Variants in TTLL9 observed in about 807,000 individuals in gnomAD.
TTLL9 encodes the protein tubulin tyrosine ligase like 9.
A neutral mutation model predicts 65.6 loss-of-function variants in TTLL9; 47 were observed. That is an observed-to-expected ratio of 0.72 (90% CI 0.57 to 0.91). The LOEUF is 0.91. Ranked by LOEUF, TTLL9 falls within the 40% of genes least tolerant of loss-of-function variation. TTLL9 has a pLI of 0.00. For missense variants in TTLL9, 537 were observed against 568.8 expected (o/e 0.94, Z 0.57); for synonymous variants, 179 against 204.8 (o/e 0.87, Z 1.07).
intron 3 of TTLL9, among the ~76,000 whole-genome samples, chr20:31,890,206 T>TCTTTCTTTCTTTCTCTTC: frequency 6.8e-6 from 1 of 146,014 alleles, no homozygotes; most frequent in Non-Finnish European, 1.5e-5. Context: ...TCTTTCTCTT[T>TCTTTCTTTCTTTCTCTTC]CTTTCATCAA....
intron 6 of TTLL9, among the ~76,000 whole-genome samples, chr20:31,917,421 G>T (rs1173966118): frequency 6.6e-6 from 1 of 152,182 alleles, no homozygotes; most frequent in East Asian, 1.9e-4. Context: ...CTATTCCATT[G>T]ATTAAATATT....
At chr20:31,920,017 T>C in intron 7 of TTLL9, 85 bp downstream of exon 7, 1 of 1,258,468 alleles carries the variant, frequency 7.9e-7, no homozygotes, top group African/African-American at 1.6e-5. Context: ...CAATCAAAGC[T>C]CAGAGGGCTG....
intron 10 of TTLL9, among the ~76,000 whole-genome samples, chr20:31,931,694 T>G (rs558322134): frequency 1.3e-5 from 2 of 152,382 alleles, no homozygotes; most frequent in South Asian, 4.1e-4. Flanking sequence ...TGTGGCCACT[T>G]ATAAATCTCT....
intron 4 of TTLL9, among the ~76,000 whole-genome samples, chr20:31,901,055 G>A (rs2063470772): frequency 6.6e-6 from 1 of 152,158 alleles, no homozygotes; most frequent in African/African-American, 2.4e-5. Context: ...TAGGACCTAA[G>A]CTGGGTCTGG....
chr20:31,884,014 T>C, intron 2 of TTLL9: 1 of 506,270 alleles, frequency 2.0e-6, no homozygotes, highest in South Asian at 3.6e-5. Context: ...TCTGCCTTTA[T>C]TCACAGATGA....
chr20:31,898,334 C>T (rs1467966880), intron 3 of TTLL9, 139 bp from the exon 4 acceptor site: 1 of 641,694 alleles, frequency 1.6e-6, no homozygotes, highest in Admixed American at 2.7e-5. Context: ...TGTTATCATG[C>T]TCTAATGCTA....
intron 4 of TTLL9, among the ~76,000 whole-genome samples, chr20:31,904,141 A>G (rs962375968): frequency 4.6e-5 from 7 of 152,212 alleles, no homozygotes; most frequent in Non-Finnish European, 1.0e-4. Context: ...AGTGGAACTC[A>G]TCGGGGGTTT....
intron 14 of TTLL9, 187 bp downstream of exon 14, chr20:31,939,453 A>C (rs1177491695): frequency 1.8e-6 from 1 of 551,996 alleles, no homozygotes; most frequent in African/African-American, 2.0e-5. Flanking sequence ...TAAAAAGTGA[A>C]AACTTTCCCT....
Position 31,884,689 on chromosome 20 carries a change from T to C in TTLL9, c.70-2507T>C, listed in dbSNP as rs1027919721. ...GTCCCCTTTCATGTTCAATGGCAGT[T>C]CTTCTCACATTGCGTGACTCTGACA... On this transcript the variant is annotated intron_variant, in intron 2 of 14. Transcript: ENST00000535842. Among the ~76,000 whole-genome samples the C allele has an allele frequency of 2.0e-5, 3 of 152,232 alleles. No individual in the cohort carries two copies. In the East Asian group the frequency reaches 5.8e-4, roughly 29 times the overall value.
At position 31,870,754 on chromosome 20, in the gene TTLL9, TG is replaced by T; in HGVS notation, c.-195del. The T allele has an allele frequency of 4.0e-6, 2 of 495,250 alleles. No homozygotes were observed. The highest frequency in any genetic ancestry group is 2.0e-5 in the African/African-American group (1 of 49,496). 30.7% of individuals were successfully genotyped at this position (495,250 alleles called of 1,614,324 possible). A position where few individuals can be genotyped will look rare whatever the true frequency, so the allele number is the denominator to read the frequency against. On this transcript the variant is annotated 5_prime_UTR_variant, in exon 1 of 15. An upstream open reading frame in the 5' UTR gains an earlier in-frame stop. Coordinates refer to ENST00000535842, the MANE Select transcript of TTLL9 (RefSeq NM_001008409.5). The surrounding 1 kb of genome is among the most constrained non-coding windows in gnomAD (Gnocchi z 6.6). ...CCTGGCACCGGCAGGCGCGGGCGGA[TG>T]GGGGGATGTCGCCTAGAGCCCCCCG...
chr20:31,904,381 A>G (rs1376502409), intron 4 of TTLL9, among the ~76,000 whole-genome samples: 3 of 112,994 alleles, frequency 2.7e-5, no homozygotes, highest in Admixed American at 1.2e-4. Flanking sequence ...TTTTTGAGAC[A>G]GGGTCTCACT....
Position 31,878,941 on chromosome 20 carries a change from C to G in TTLL9, c.69+7746C>G, listed in dbSNP as rs570938252. The stretch of plus-strand genomic sequence containing the variant: ...TTGACAAATGCATATACTCATGTAA[C>G]CCACATCTTTATTAAGAGATGGAAA... On this transcript the variant is annotated intron_variant, in intron 2 of 14. Transcript: ENST00000535842. Among the ~76,000 whole-genome samples, 4 of 152,220 alleles carry G rather than the reference C, an allele frequency of 2.6e-5. No homozygotes were observed. In the South Asian group the frequency reaches 8.3e-4, roughly 32 times the overall value.
chr20:31,935,112 T>C (rs1318638940), intron 12 of TTLL9, among the ~76,000 whole-genome samples: 3 of 152,184 alleles, frequency 2.0e-5, no homozygotes. Context: ...ATATAGTCTT[T>C]GGAGCACTGA....
chr20:31,925,899 C>T (rs61745444), intron 9 of TTLL9, 150 bp from the exon 10 acceptor site: 126,627 of 1,551,802 alleles, frequency 0.082, 5,483 homozygotes, highest in Middle Eastern at 0.2. Context: ...CCTGGCTCTA[C>T]CGGGATGGCT....
At chr20:31,924,157 C>T (rs1373742937) in intron 8 of TTLL9, among the ~76,000 whole-genome samples, 2 of 152,144 alleles carry the variant, frequency 1.3e-5, no homozygotes, top group Non-Finnish European at 2.9e-5. Context: ...ACCTCCACCC[C>T]GGGCCTGGCC....
At chr20:31,927,163 T>A (rs2063920457) in intron 10 of TTLL9, among the ~76,000 whole-genome samples, 1 of 151,612 alleles carries the variant, frequency 6.6e-6, no homozygotes. Context: ...TATGTTTGCT[T>A]ATCTGTACAT....
chr20:31,904,900 G>T (rs11906890), intron 4 of TTLL9, among the ~76,000 whole-genome samples: 1 of 152,052 alleles, frequency 6.6e-6, no homozygotes, highest in Admixed American at 6.6e-5. Flanking sequence ...GCAAGGTCAC[G>T]TAGTGCCAGT....
At chr20:31,908,511 C>T in intron 4 of TTLL9, 80 bp from the exon 5 acceptor site, 2 of 968,888 alleles carry the variant, frequency 2.1e-6, no homozygotes, top group South Asian at 2.7e-5. Context: ...CTCAAGCCCC[C>T]TCGGCAGCAC....
intron 14 of TTLL9, among the ~76,000 whole-genome samples, chr20:31,942,131 A>AG (rs1600637893): frequency 1.3e-5 from 2 of 152,170 alleles, no homozygotes; most frequent in East Asian, 3.9e-4. Context: ...AAGCAGGGAC[A>AG]GGGTTTGGGG....
Sources: allele counts gnomAD v4.1 joint callset (sites outside exome capture counted in the v4.1 genomes callset), GRCh38; gene constraint gnomAD v4.1.1; non-coding constraint Gnocchi (gnomAD v3.1); transcripts MANE v1.5; gene names NCBI Gene and HGNC (gene_info 2026-07-23, HGNC 2026-07-21).